Variants in DCC observed in about 807,000 individuals in gnomAD.
DCC encodes DCC netrin 1 receptor, also known as netrin receptor DCC.
A neutral mutation model predicts 172.5 loss-of-function variants in DCC; 58 were observed. The ratio of observed to expected loss-of-function variants is 0.34; its 90% CI spans 0.27 to 0.42. DCC has a LOEUF of 0.42. DCC is among the 10% of genes least tolerant of loss of function. The pLI is 1.00. For synonymous variants in DCC, 709 were observed against 644.5 expected (o/e 1.10, Z -1.52); for missense variants, 1,740 against 1,791.0 (o/e 0.97, Z 0.51).
chr18:52,659,582 G>A (rs1165099935), intron 1 of DCC, among the ~76,000 whole-genome samples: 1 of 152,118 alleles, frequency 6.6e-6, no homozygotes, highest in Non-Finnish European at 1.5e-5. Flanking sequence ...AATGAACCAG[G>A]CCAAAACAAG....
At chr18:52,736,066 A>G (rs1310928030) in intron 1 of DCC, among the ~76,000 whole-genome samples, 1 of 152,116 alleles carries the variant, frequency 6.6e-6, no homozygotes, top group African/African-American at 2.4e-5. Flanking sequence ...GAAATAACAT[A>G]TATAAGCAGA....
chr18:52,858,492 A>C (rs2039087202), intron 2 of DCC, among the ~76,000 whole-genome samples: 1 of 152,178 alleles, frequency 6.6e-6, no homozygotes, highest in Non-Finnish European at 1.5e-5. Context: ...TAGGATATTA[A>C]GACATATTAC....
chr18:52,687,318 C>T (rs1245798214), intron 1 of DCC, among the ~76,000 whole-genome samples: 2 of 129,476 alleles, frequency 1.5e-5, no homozygotes, highest in African/African-American at 3.0e-5. Context: ...AAGTCTTGCT[C>T]TTGTCCCCCA....
intron 1 of DCC, among the ~76,000 whole-genome samples, chr18:52,438,767 C>T (rs1987877219): frequency 1.3e-5 from 2 of 152,174 alleles, no homozygotes; most frequent in South Asian, 2.1e-4. Context: ...TATTATCTTG[C>T]ATACTCTACC....
chr18:53,363,334 G>T (rs1359335143), intron 15 of DCC, among the ~76,000 whole-genome samples: 1 of 152,132 alleles, frequency 6.6e-6, no homozygotes, highest in Non-Finnish European at 1.5e-5. Flanking sequence ...ATTCTTCAGA[G>T]ATTTTCTTTT....
chr18:53,186,386 G>T (rs2055283139), intron 9 of DCC, among the ~76,000 whole-genome samples: 1 of 152,144 alleles, frequency 6.6e-6, no homozygotes, highest in Non-Finnish European at 1.5e-5. Flanking sequence ...CGGTTGGTTT[G>T]CTAAGCTGAA....
chr18:53,430,534 C>T (rs1347489500), intron 21 of DCC, among the ~76,000 whole-genome samples: 1 of 152,016 alleles, frequency 6.6e-6, no homozygotes, highest in East Asian at 1.9e-4. Context: ...AATTTTTTAT[C>T]GTGGAAAAGA....
At chr18:52,815,411 T>TACACACACACACAC (rs34924244) in intron 2 of DCC, among the ~76,000 whole-genome samples, 42 of 150,114 alleles carry the variant, frequency 2.8e-4, no homozygotes, top group African/African-American at 9.8e-4. Context: ...TTCTCACACG[T>TACACACACACACAC]ACACACACAC....
At chr18:53,058,673 A>G (rs1461382474) in intron 5 of DCC, among the ~76,000 whole-genome samples, 2 of 152,194 alleles carry the variant, frequency 1.3e-5, no homozygotes, top group African/African-American at 4.8e-5. Context: ...CTTGCAGAAT[A>G]GTGTAATCAT....
At chr18:53,367,000 TTTC>T (rs2058012526) in intron 15 of DCC, among the ~76,000 whole-genome samples, 1 of 152,230 alleles carries the variant, frequency 6.6e-6, no homozygotes, top group Non-Finnish European at 1.5e-5. Flanking sequence ...CATTTTGGTG[TTTC>T]TTTATTGTCA....
At chr18:52,617,276 G>A (rs1357999426) in intron 1 of DCC, among the ~76,000 whole-genome samples, 1 of 152,056 alleles carries the variant, frequency 6.6e-6, no homozygotes, top group East Asian at 1.9e-4. Flanking sequence ...CAGGGGGATG[G>A]GCAAAGAGAT....
intron 1 of DCC, among the ~76,000 whole-genome samples, chr18:52,655,821 G>A (rs1304131502): frequency 1.3e-5 from 2 of 151,622 alleles, no homozygotes; most frequent in Non-Finnish European, 2.9e-5. Context: ...TCTTCAAGAG[G>A]TTACCATAAT....
intron 1 of DCC, among the ~76,000 whole-genome samples, chr18:52,469,577 A>G (rs1400811056): frequency 6.6e-6 from 1 of 152,246 alleles, no homozygotes; most frequent in Non-Finnish European, 1.5e-5. Flanking sequence ...ATAAACATTG[A>G]TAATCACAGA....
In DCC at chr18:52,998,551, A is replaced by T. The variant is rs534156837; in HGVS notation, c.986-64754A>T. ...CATTAAAGCCAAGTAATCACCTGCC[A>T]GGACTCCAGTATAATGGATCCCTTC... On this transcript the variant is annotated intron_variant, in intron 5 of 28. Transcript: ENST00000442544. 7.2e-5 allele frequency among the ~76,000 whole-genome samples: 11 copies of T among 152,202 alleles called. No individual in the cohort carries two copies. In the East Asian group the frequency reaches 2.1e-3, roughly 29 times the overall value.
intron 15 of DCC, among the ~76,000 whole-genome samples, chr18:53,361,570 G>T (rs948957936): frequency 6.6e-6 from 1 of 152,096 alleles, no homozygotes; most frequent in Non-Finnish European, 1.5e-5. Context: ...TTAGTCAAAG[G>T]GAATATTACC....
intron 25 of DCC, among the ~76,000 whole-genome samples, chr18:53,473,403 T>C (rs184309932): frequency 6.6e-6 from 1 of 152,248 alleles, no homozygotes; most frequent in African/African-American, 2.4e-5. Flanking sequence ...GCCTTCCTTA[T>C]GTTTGTAACA....
At position 52,612,771 on chromosome 18, in the gene DCC, C is replaced by T. The variant is rs142662490; in HGVS notation, c.92-139283C>T. Among the ~76,000 whole-genome samples the T allele has an allele frequency of 4.8e-3, 736 of 152,288 alleles. 4 individuals are homozygous for T. The highest frequency in any genetic ancestry group is 0.014 in the Middle Eastern group (4 of 294). ...TGTTTTTCCTTTAGAAAATATATCTCATAAGTATATGTTGGTACTTTAAAC... is the reference window on the plus strand; with the variant it reads ...TGTTTTTCCTTTAGAAAATATATCTTATAAGTATATGTTGGTACTTTAAAC... On this transcript the variant is annotated intron_variant, in intron 1 of 28. Coordinates refer to ENST00000442544, the MANE Select transcript of DCC (RefSeq NM_005215.4).
intron 3 of DCC, among the ~76,000 whole-genome samples, chr18:52,914,742 A>G (rs1056172015): frequency 6.6e-6 from 1 of 152,150 alleles, no homozygotes; most frequent in Non-Finnish European, 1.5e-5. Context: ...TACCTGCTGA[A>G]TATTCTAAAA....
At chr18:52,949,389 C>T (rs530512271) in intron 5 of DCC, among the ~76,000 whole-genome samples, 2 of 152,312 alleles carry the variant, frequency 1.3e-5, no homozygotes, top group East Asian at 1.9e-4. Flanking sequence ...CCTCCTTCCC[C>T]TCCTGCCCCT....
Sources: gnomAD v4.1 joint callset for allele counts (sites outside exome capture counted in the v4.1 genomes callset) on GRCh38, gnomAD v4.1.1 for gene constraint, MANE v1.5 for transcripts, NCBI Gene and HGNC (gene_info 2026-07-23, HGNC 2026-07-21) for gene names.